Variants in ANO4 observed in about 807,000 individuals in gnomAD.
ANO4 encodes anoctamin-4.
A neutral mutation model predicts 141.9 loss-of-function variants in ANO4; 69 were observed. The ratio of observed to expected loss-of-function variants is 0.49; its 90% CI spans 0.40 to 0.59. The LOEUF is 0.59. Among genes scored for constraint, ANO4 ranks in the 20% least tolerant of loss-of-function variants. The probability of loss-of-function intolerance (pLI) is 0.00; values close to 1 mark genes in which losing one functional copy is unlikely to be tolerated. For synonymous variants in ANO4, 350 were observed against 394.3 expected, an observed-to-expected ratio of 0.89 and a Z score of 1.33; for missense variants, 894 against 1,162.2, an observed-to-expected ratio of 0.77 and a Z score of 3.36.
intron 3 of ANO4, among the ~76,000 whole-genome samples, chr12:100,744,729 T>C (rs1175008994): frequency 1.3e-5 from 2 of 152,212 alleles, no homozygotes; most frequent in South Asian, 2.1e-4. Flanking sequence ...TAATTATGTC[T>C]ATTTTAGAAA....
chr12:100,936,199 C>A (rs1401319109), intron 3 of ANO4, among the ~76,000 whole-genome samples: 2 of 152,126 alleles, frequency 1.3e-5, no homozygotes, highest in Non-Finnish European at 2.9e-5. Context: ...CTTCCTTTCC[C>A]AAGTTAGCTG....
intron 3 of ANO4, among the ~76,000 whole-genome samples, chr12:100,755,149 C>T (rs114838596): frequency 1.9e-3 from 291 of 152,310 alleles, no homozygotes; most frequent in African/African-American, 6.6e-3. Flanking sequence ...GTGTGGGGTT[C>T]ATGCCCCTCA....
intron 5 of ANO4, among the ~76,000 whole-genome samples, chr12:100,961,121 T>C (rs2043399213): frequency 6.6e-6 from 1 of 152,222 alleles, no homozygotes; most frequent in Non-Finnish European, 1.5e-5. Flanking sequence ...AACTATGTCT[T>C]AACCTTCTTT....
chr12:100,821,546 A>ATGACAGAGTCACATATG (rs71436997), intron 1 of ANO4, among the ~76,000 whole-genome samples: 64,748 of 151,650 alleles, frequency 0.43, 14,052 homozygotes, highest in Admixed American at 0.5. Context: ...AAGAATAGAG[A>ATGACAGAGTCACATATG]TGAAGACAGA....
Position 100,877,054 on chromosome 12 carries a change from G to A in ANO4, c.-140-24592G>A, listed in dbSNP as rs74831740. Among the ~76,000 whole-genome samples, 77 of 152,208 alleles carry A rather than the reference G, an allele frequency of 5.1e-4. No homozygotes were observed. In the East Asian group the frequency reaches 0.014, roughly 27 times the overall value. ...AAATACTGCATGATCTCACTTATATGTGGAATATTAAAAAATAAAACTCAT... is the reference window on the plus strand; with the variant it reads ...AAATACTGCATGATCTCACTTATATATGGAATATTAAAAAATAAAACTCAT... On this transcript the variant is annotated intron_variant, in intron 1 of 27. Transcript: ENST00000392977.
chr12:100,780,043 A>G (rs550958318), intron 3 of ANO4, among the ~76,000 whole-genome samples: 88 of 152,248 alleles, frequency 5.8e-4, no homozygotes, highest in African/African-American at 2.0e-3. Flanking sequence ...GTTTTTTTTA[A>G]GACAGGGTAT....
chr12:101,114,336 G>A (rs1217308499), intron 24 of ANO4, among the ~76,000 whole-genome samples: 2 of 152,124 alleles, frequency 1.3e-5, no homozygotes, highest in African/African-American at 2.4e-5. Context: ...CTAGCTGTCC[G>A]TGCATCTTTT....
intron 1 of ANO4, among the ~76,000 whole-genome samples, chr12:100,800,741 C>T (rs1244865004): frequency 6.6e-6 from 1 of 152,190 alleles, no homozygotes; most frequent in African/African-American, 2.4e-5. Flanking sequence ...TGGAACAAAT[C>T]ACAGATTAAA....
intron 18 of ANO4, among the ~76,000 whole-genome samples, 200 bp from the exon 19 acceptor site, chr12:101,096,336 C>G (rs2049980820): frequency 6.6e-6 from 1 of 152,116 alleles, no homozygotes; most frequent in South Asian, 2.1e-4. Flanking sequence ...CTCATGAGAC[C>G]CTTGTTGGGT....
At chr12:101,108,404 C>T (rs1204428900) in intron 22 of ANO4, among the ~76,000 whole-genome samples, 1 of 149,246 alleles carries the variant, frequency 6.7e-6, no homozygotes, top group Non-Finnish European at 1.5e-5. Flanking sequence ...GATTAGAGTC[C>T]TTTCTTACTT....
intron 1 of ANO4, among the ~76,000 whole-genome samples, chr12:100,892,395 GT>G (rs2040147324): frequency 6.6e-6 from 1 of 152,152 alleles, no homozygotes; most frequent in African/African-American, 2.4e-5. Flanking sequence ...GCTATTCAAG[GT>G]TGTCTTCAAT....
intron 9 of ANO4, among the ~76,000 whole-genome samples, chr12:101,033,508 T>C (rs2047068200): frequency 6.6e-6 from 1 of 151,920 alleles, no homozygotes; most frequent in Non-Finnish European, 1.5e-5. Context: ...GATTAAAGAC[T>C]TAAATGTAAA....
At chr12:100,929,140 T>C (rs1246946552) in intron 3 of ANO4, among the ~76,000 whole-genome samples, 1 of 152,074 alleles carries the variant, frequency 6.6e-6, no homozygotes, top group African/African-American at 2.4e-5. Context: ...AATTATACTT[T>C]TAGTTTTAAA....
intron 1 of ANO4, among the ~76,000 whole-genome samples, chr12:100,838,774 A>G (rs7312305): frequency 0.83 from 125,952 of 152,100 alleles, 52,185 homozygotes; most frequent in Admixed American, 0.87. Flanking sequence ...TAATGATGAA[A>G]GAGGTATTTG....
At chr12:100,735,269 G>A (rs1263303636) in intron 2 of ANO4, among the ~76,000 whole-genome samples, 1 of 152,120 alleles carries the variant, frequency 6.6e-6, no homozygotes, top group African/African-American at 2.4e-5. Context: ...TAAGTGGCAG[G>A]ACTTGGTTCA....
At chr12:100,815,104 T>A (rs1320785960) in intron 1 of ANO4, among the ~76,000 whole-genome samples, 1 of 151,808 alleles carries the variant, frequency 6.6e-6, no homozygotes, top group East Asian at 1.9e-4. Flanking sequence ...TAAGTGATGG[T>A]GGGGGGAATG....
intron 14 of ANO4, among the ~76,000 whole-genome samples, chr12:101,058,770 G>A (rs935672365): frequency 1.3e-5 from 2 of 152,220 alleles, no homozygotes; most frequent in South Asian, 2.1e-4. Context: ...GGGCTGAGAC[G>A]ATGGGGTTTT....
chr12:100,876,473 GA>G (rs2039315659), intron 1 of ANO4, among the ~76,000 whole-genome samples: 2 of 152,118 alleles, frequency 1.3e-5, no homozygotes, highest in South Asian at 4.2e-4. Context: ...AGGTTGTGCT[GA>G]GTCAAAGCAT....
At chr12:100,980,938 A>T (rs1366456611) in intron 7 of ANO4, among the ~76,000 whole-genome samples, 1 of 152,090 alleles carries the variant, frequency 6.6e-6, no homozygotes, top group Admixed American at 6.5e-5. Context: ...TCTGTGGAAG[A>T]TATGATTACA....
Sources: gnomAD v4.1 joint callset for allele counts (sites outside exome capture counted in the v4.1 genomes callset) on GRCh38, gnomAD v4.1.1 for gene constraint, MANE v1.5 for transcripts, NCBI Gene and HGNC (gene_info 2026-07-23, HGNC 2026-07-21) for gene names.